TRPC4: variants seen among roughly 807,000 people sequenced by gnomAD.
The protein encoded by TRPC4 is short transient receptor potential channel 4.
TRPC4 carries 49 observed loss-of-function variants against 99.4 expected under a neutral mutation model. The observed-to-expected ratio is 0.49, with a 90% CI of 0.39 to 0.63. TRPC4 has a LOEUF of 0.63. Among genes scored for constraint, TRPC4 ranks in the 20% least tolerant of loss-of-function variants. TRPC4 has a pLI of 0.00. For missense variants in TRPC4, 898 were observed against 1,152.9 expected (o/e 0.78, Z 3.20); for synonymous variants, 454 against 425.9 (o/e 1.07, Z -0.81).
At position 37,673,044 on chromosome 13, in the gene TRPC4, C is replaced by T. The variant is rs187593223; in HGVS notation, c.1374+1184G>A. On this transcript the variant is annotated intron_variant, in intron 5 of 10. Transcript: ENST00000379705. The stretch of plus-strand genomic sequence containing the variant: ...ATGTGCTGTGTTGGTGTGCTGCACC[C>T]GTTAACTCATCATTTACATGAGGTA... Among the ~76,000 whole-genome samples the T allele has an allele frequency of 4.8e-3, 726 of 151,882 alleles. 6 individuals carry two copies. Among genetic ancestry groups the T allele is most frequent in the African/African-American group, 0.017 (690 of 41,402 alleles).
chr13:37,681,056 A>G (rs1953218592), intron 4 of TRPC4, among the ~76,000 whole-genome samples: 1 of 152,226 alleles, frequency 6.6e-6, no homozygotes. Context: ...ACATAAAGGA[A>G]GAAAGGCTTT....
chr13:37,755,541 C>T (rs150956798), intron 2 of TRPC4, among the ~76,000 whole-genome samples: 3 of 151,678 alleles, frequency 2.0e-5, no homozygotes, highest in East Asian at 1.9e-4. Context: ...CCCAAGTAGC[C>T]GGACTACAAG....
chr13:37,761,050 T>C (rs955391964), intron 2 of TRPC4, among the ~76,000 whole-genome samples: 1 of 152,000 alleles, frequency 6.6e-6, no homozygotes, highest in African/African-American at 2.4e-5. Flanking sequence ...AATGACAGAT[T>C]TATCTTAGAA....
intron 3 of TRPC4, among the ~76,000 whole-genome samples, chr13:37,701,676 T>C (rs1954104769): frequency 6.6e-6 from 1 of 152,118 alleles, no homozygotes; most frequent in South Asian, 2.1e-4. Flanking sequence ...AACAAACTAC[T>C]GTACGTGAGC....
Position 37,637,220 on chromosome 13 carries a change from G to T in TRPC4, c.2617C>A (p.Arg873Ser). ...QIFSVSEEVARQQAAGPLERN... is the reference protein window; with the variant it reads ...QIFSVSEEVASQQAAGPLERN... ...TCAAGTGGTCCTGCAGCCTGTTGAC[G>T]AGCAACTTCTTCTGAAACAGAGAAG... The change falls in exon 11 of 11, where the codon CGT becomes AGT. Residue 873 changes from arginine to serine, a missense_variant. This residue lies in a region of TRPC4 where 346 missense variants were observed against 351.4 expected (regional missense o/e 0.98). Transcript: ENST00000379705. 1 of 1,613,874 alleles carries T rather than the reference G, an allele frequency of 6.2e-7. No homozygotes were observed. Among genetic ancestry groups the T allele is most frequent in the South Asian group, 1.1e-5 (1 of 91,064 alleles).
At chr13:37,667,138 C>T (rs58782374) in intron 5 of TRPC4, among the ~76,000 whole-genome samples, 17,886 of 152,176 alleles carry the variant, frequency 0.12, 1,158 homozygotes, top group East Asian at 0.3. Context: ...ATCTTTTTGT[C>T]TAAAATCCCA....
rs1957419451 is a variant in TRPC4 at position 37,802,023 on chromosome 13, A to G, written c.-27-18663T>C. Among the ~76,000 whole-genome samples the G allele has an allele frequency of 2.0e-5, 3 of 152,130 alleles. No homozygotes were observed. The South Asian group carries it at 6.2e-4, about 31-fold the overall frequency. On this transcript the variant is annotated intron_variant, in intron 1 of 10. Transcript: ENST00000379705. ...TATAGTTATGTAAAAAAATACTATC[A>G]AACACACTAATTAATTTTAAAAAGC...
chr13:37,821,191 CACA>C (rs1957998103), intron 1 of TRPC4, among the ~76,000 whole-genome samples: 1 of 5,698 alleles, frequency 1.8e-4, no homozygotes, highest in Non-Finnish European at 3.9e-4. Flanking sequence ...TCACAATAGC[CACA>C]CACACACACA....
At chr13:37,835,016 T>C (rs956306215) in intron 1 of TRPC4, among the ~76,000 whole-genome samples, 1 of 151,702 alleles carries the variant, frequency 6.6e-6, no homozygotes, top group African/African-American at 2.4e-5. Context: ...ATTACAGGCA[T>C]GAACCACCAG....
At chr13:37,868,046 A>G (rs754009679) in intron 1 of TRPC4, among the ~76,000 whole-genome samples, 13 of 152,298 alleles carry the variant, frequency 8.5e-5, no homozygotes, top group Non-Finnish European at 1.5e-4. Context: ...GTTATTTTAT[A>G]TGAAAAGTTA....
At chr13:37,697,157 A>G (rs969182293) in intron 3 of TRPC4, among the ~76,000 whole-genome samples, 6 of 152,160 alleles carry the variant, frequency 3.9e-5, no homozygotes, top group Non-Finnish European at 7.4e-5. Context: ...ACACTAATTA[A>G]GCCAATAGCA....
intron 3 of TRPC4, among the ~76,000 whole-genome samples, chr13:37,723,527 A>T (rs1442796585): frequency 6.6e-6 from 1 of 152,048 alleles, no homozygotes; most frequent in Non-Finnish European, 1.5e-5. Flanking sequence ...ATTGATACCC[A>T]CTGTTGGTGG....
chr13:37,820,599 A>G (rs1399669835), intron 1 of TRPC4, among the ~76,000 whole-genome samples: 4 of 152,190 alleles, frequency 2.6e-5, no homozygotes, highest in East Asian at 1.9e-4. Flanking sequence ...ATGATCAAGT[A>G]GGCTTTATCC....
chr13:37,753,773 T>C (rs1455379683), intron 2 of TRPC4, among the ~76,000 whole-genome samples: 2 of 152,126 alleles, frequency 1.3e-5, no homozygotes, highest in African/African-American at 4.8e-5. Flanking sequence ...ACAAGTGCAT[T>C]GCAGAAGCTG....
At chr13:37,832,524 G>A (rs749195035) in intron 1 of TRPC4, among the ~76,000 whole-genome samples, 8 of 152,086 alleles carry the variant, frequency 5.3e-5, no homozygotes, top group Non-Finnish European at 1.0e-4. Context: ...AGGTGACAGA[G>A]CAAGACTCCG....
chr13:37,759,150 T>A (rs1394727341), intron 2 of TRPC4, among the ~76,000 whole-genome samples: 4 of 151,782 alleles, frequency 2.6e-5, no homozygotes, highest in Non-Finnish European at 4.4e-5. Context: ...AAAGTTTATA[T>A]GTGAAAAGTT....
At chr13:37,673,663 A>T (rs898868300) in intron 5 of TRPC4, among the ~76,000 whole-genome samples, 1 of 152,200 alleles carries the variant, frequency 6.6e-6, no homozygotes, top group African/African-American at 2.4e-5. Flanking sequence ...TGAGGTTGGG[A>T]TAAGATTGAT....
In TRPC4 at chr13:37,783,091, C is replaced by T. The variant is rs144280683; in HGVS notation, c.243G>A (p.Glu81=). The T allele has an allele frequency of 6.2e-7, 1 of 1,613,238 alleles. No homozygotes were observed. The highest frequency in any genetic ancestry group is 1.3e-5 in the African/African-American group (1 of 74,872). Residue 81 remains glutamate, a synonymous_variant, in exon 2 of 11, where the codon GAG becomes GAA. Transcript: ENST00000379705. ...AGAGTAGTTCGATGAGCTCCAAGTT[C>T]TCATTTTCAATTGCAATGAGGAGAG... ...RTALLIAIEN[E]NLELIELLLS...
chr13:37,720,516 T>C (rs1954835764), intron 3 of TRPC4, among the ~76,000 whole-genome samples: 1 of 152,142 alleles, frequency 6.6e-6, no homozygotes, highest in East Asian at 1.9e-4. Flanking sequence ...AACTTTTCTG[T>C]GTTTCTGGTG....
Sources: allele counts gnomAD v4.1 joint callset (sites outside exome capture counted in the v4.1 genomes callset), GRCh38; gene constraint gnomAD v4.1.1; regional missense constraint gnomAD v4.1.1; transcripts MANE v1.5; gene names NCBI Gene and HGNC (gene_info 2026-07-23, HGNC 2026-07-21).